The following ZNF44 variants were observed in gnomAD, a reference collection of about 807,000 sequenced individuals.
ZNF44 encodes the protein gonadotropin inducible transcription repressor-2.
In ZNF44, 9 loss-of-function variants were observed where a neutral mutation model predicts 11.7. The observed-to-expected ratio is 0.77, with a 90% CI of 0.46 to 1.35. The LOEUF (loss-of-function observed/expected upper bound fraction) is 1.35, where lower values mean the gene tolerates loss of function less well. Among genes scored for constraint, ZNF44 ranks in the 40% most tolerant of loss-of-function variants. ZNF44 has a pLI of 0.00. For synonymous variants in ZNF44, 224 were observed against 242.7 expected (o/e 0.92, Z 0.72); for missense variants, 696 against 743.1 (o/e 0.94, Z 0.74).
intron 5 of ZNF44, among the ~76,000 whole-genome samples, chr19:12,259,076 T>C (rs1917388178): frequency 6.6e-6 from 1 of 152,250 alleles, no homozygotes; most frequent in Admixed American, 6.5e-5. Context: ...GGTCCCACCA[T>C]GTTGCCCAGG....
chr19:12,263,632 C>CA (rs1044456746), intron 5 of ZNF44, among the ~76,000 whole-genome samples: 1 of 151,670 alleles, frequency 6.6e-6, no homozygotes, highest in Non-Finnish European at 1.5e-5. Flanking sequence ...AACAAAAAAA[C>CA]AAAAAAATTA....
chr19:12,283,531 G>A (rs372217414), intron 1 of ZNF44, among the ~76,000 whole-genome samples: 2 of 151,932 alleles, frequency 1.3e-5, no homozygotes, highest in African/African-American at 4.8e-5. Flanking sequence ...GGGTTTCACC[G>A]TATTAGCCAG....
At chr19:12,227,622 G>C (rs1915975192) in intron 3 of ZNF44, among the ~76,000 whole-genome samples, 1 of 152,142 alleles carries the variant, frequency 6.6e-6, no homozygotes, top group South Asian at 2.1e-4. Flanking sequence ...AAAAGTTTTA[G>C]AATAGCCATA....
intron 1 of ZNF44, among the ~76,000 whole-genome samples, chr19:12,280,347 T>C (rs1967424848): frequency 6.6e-6 from 1 of 152,234 alleles, no homozygotes; most frequent in Non-Finnish European, 1.5e-5. Flanking sequence ...CTGTCTATTA[T>C]ACCAGCACTA....
chr19:12,285,873 G>A (rs1461560089), intron 1 of ZNF44, among the ~76,000 whole-genome samples: 2 of 151,956 alleles, frequency 1.3e-5, no homozygotes, highest in African/African-American at 4.8e-5. Context: ...AAAAAAATTA[G>A]CCAGGCGTGG....
chr19:12,248,086 A>C, exon 8 of ZNF44: 2 of 1,316,682 alleles, frequency 1.5e-6, no homozygotes, highest in Non-Finnish European at 2.0e-6. Flanking sequence ...GAAGATATGT[A>C]GGTTTTTCCA....
At chr19:12,251,041 C>A (rs1346793181) in intron 5 of ZNF44, among the ~76,000 whole-genome samples, 1 of 151,678 alleles carries the variant, frequency 6.6e-6, no homozygotes, top group Non-Finnish European at 1.5e-5. Flanking sequence ...GCCTGGGCAA[C>A]ATGGTGAAAC....
At position 12,256,037 on chromosome 19, in the gene ZNF44, CAAA is replaced by C. The variant is rs74180061; in HGVS notation, c.1913-5672_1913-5670del. On this transcript the variant is annotated intron_variant and NMD_transcript_variant, in intron 5 of 7. Transcript: ENST00000393337. ...GGGCAACAAGAGCGAAACTCTGTCTCAAAAAAAAAAAAAAAAAAAAAAAAAAAC... is the reference window on the plus strand; with the variant it reads ...GGGCAACAAGAGCGAAACTCTGTCTCAAAAAAAAAAAAAAAAAAAAAAAAC... Among the ~76,000 whole-genome samples the C allele has an allele frequency of 5.5e-3, 219 of 39,632 alleles. 1 individual carries two copies. Among genetic ancestry groups the C allele is most frequent in the South Asian group, 0.049 (34 of 692 alleles). 26.0% of individuals were successfully genotyped at this position (39,632 alleles called of 152,430 possible). A position where few individuals can be genotyped will look rare whatever the true frequency, so the allele number is the denominator to read the frequency against.
intron 5 of ZNF44, among the ~76,000 whole-genome samples, chr19:12,258,476 G>C (rs542939168): frequency 6.6e-6 from 1 of 151,846 alleles, no homozygotes; most frequent in Admixed American, 6.6e-5. Context: ...TAATTTAATT[G>C]GGGAGTAAGT....
chr19:12,289,099 G>T (rs1250593058), intron 1 of ZNF44, among the ~76,000 whole-genome samples: 1 of 151,820 alleles, frequency 6.6e-6, no homozygotes, highest in Non-Finnish European at 1.5e-5. Context: ...GAGCCCAGGA[G>T]TTCAAGACCA....
At chr19:12,228,326 T>C (rs1916006069) in intron 3 of ZNF44, among the ~76,000 whole-genome samples, 1 of 152,240 alleles carries the variant, frequency 6.6e-6, no homozygotes, top group South Asian at 2.1e-4. Context: ...AAGTTTACTT[T>C]TGTTGAAAAC....
intron 5 of ZNF44, among the ~76,000 whole-genome samples, chr19:12,254,326 C>A (rs1024985145): frequency 6.6e-6 from 1 of 152,206 alleles, no homozygotes; most frequent in African/African-American, 2.4e-5. Flanking sequence ...AAACGACCCA[C>A]GGATGAAAGT....
upstream of ZNF44, among the ~76,000 whole-genome samples, chr19:12,238,980 T>G (rs988771437): frequency 2.0e-5 from 3 of 152,212 alleles, no homozygotes; most frequent in Non-Finnish European, 4.4e-5. Flanking sequence ...AAATGCTCCC[T>G]CCTTCAGGAC....
chr19:12,294,054 T>C (rs917710008), intron 1 of ZNF44, among the ~76,000 whole-genome samples: 3 of 152,248 alleles, frequency 2.0e-5, no homozygotes, highest in Non-Finnish European at 2.9e-5. Flanking sequence ...GGCTTCCCCA[T>C]TGGCCTGGGG....
At chr19:12,281,304 G>C (rs1226326333) in intron 1 of ZNF44, among the ~76,000 whole-genome samples, 2 of 152,120 alleles carry the variant, frequency 1.3e-5, no homozygotes, top group African/African-American at 4.8e-5. Context: ...TCAACAAAGT[G>C]GAGATTGAAG....
At position 12,275,699 on chromosome 19, in the gene ZNF44, A is replaced by C. The variant is rs143050335; in HGVS notation, c.130+257T>G. On this transcript the variant is annotated intron_variant, in intron 2 of 3. Transcript: ENST00000355684. ...CTAACTTACTTTATTCTGAGAATAC[A>C]GTATGCAATACATATGACATATATG... Among the ~76,000 whole-genome samples the C allele has an allele frequency of 1.2e-3, 189 of 152,338 alleles. 1 individual carries two copies. Among genetic ancestry groups the C allele is most frequent in the African/African-American group, 4.4e-3 (185 of 41,576 alleles).
intron 1 of ZNF44, among the ~76,000 whole-genome samples, chr19:12,289,643 CTT>C (rs34329118): frequency 3.9e-4 from 46 of 117,854 alleles, no homozygotes; most frequent in African/African-American, 9.2e-4. Context: ...TAAACTCATT[CTT>C]TTTTTTTTTT....
At chr19:12,266,371 G>A (rs1917726920) in intron 5 of ZNF44, 1 of 979,950 alleles carries the variant, frequency 1.0e-6, no homozygotes, top group Non-Finnish European at 1.2e-6. Context: ...CACACCCTCA[G>A]CACTTTCAGA....
In ZNF44 at chr19:12,256,048, A is replaced by C. The variant is rs1039930733; in HGVS notation, c.1913-5680T>G. ...GCGAAACTCTGTCTCAAAAAAAAAA[A>C]AAAAAAAAAAAAAAAACAGCCTACA... is the stretch of plus-strand genomic sequence containing the variant. On this transcript the variant is annotated intron_variant and NMD_transcript_variant, in intron 5 of 7. Coordinates refer to the ZNF44 transcript ENST00000393337. 3.0e-3 allele frequency among the ~76,000 whole-genome samples: 410 copies of C among 136,098 alleles called. 3 individuals are homozygous for C. The highest frequency in any genetic ancestry group is 0.014 in the African/African-American group (393 of 27,696). The allele number at this position is 136,098 out of a possible 152,430, so 89.3% of individuals were successfully genotyped here. A position where few individuals can be genotyped will look rare whatever the true frequency, so the allele number is the denominator to read the frequency against.
Sources: gnomAD v4.1 joint callset for allele counts (sites outside exome capture counted in the v4.1 genomes callset) on GRCh38, gnomAD v4.1.1 for gene constraint, MANE v1.5 for transcripts, NCBI Gene and HGNC (gene_info 2026-07-23, HGNC 2026-07-21) for gene names.